LYN: variants seen among roughly 807,000 people sequenced by gnomAD.
LYN encodes the protein tyrosine-protein kinase Lyn.
LYN carries 12 observed loss-of-function variants against 65.0 expected under a neutral mutation model. The ratio of observed to expected loss-of-function variants is 0.18; its 90% confidence interval spans 0.12 to 0.30. LYN has a LOEUF of 0.30. Among genes scored for constraint, LYN ranks in the 10% least tolerant of loss-of-function variants. The pLI is 1.00. For missense variants in LYN, 380 were observed against 623.2 expected (o/e 0.61, Z 4.16); for synonymous variants, 222 against 221.2 (o/e 1.00, Z -0.03).
At chr8:55,977,124 G>T (rs540801078) in intron 10 of LYN, among the ~76,000 whole-genome samples, 33 of 152,216 alleles carry the variant, frequency 2.2e-4, no homozygotes, top group African/African-American at 7.5e-4. Context: ...GGCGGAGATT[G>T]CAGTGAGCCA....
At chr8:55,887,617 T>TG (rs1479816702) in intron 1 of LYN, among the ~76,000 whole-genome samples, 6 of 82,416 alleles carry the variant, frequency 7.3e-5, no homozygotes, top group African/African-American at 2.4e-4. Flanking sequence ...TATATATATT[T>TG]TTTTTTTCCT....
chr8:55,967,510 T>A (rs561612124), intron 9 of LYN, among the ~76,000 whole-genome samples: 1 of 152,106 alleles, frequency 6.6e-6, no homozygotes, highest in Admixed American at 6.5e-5. Flanking sequence ...GAGATGGGGT[T>A]TCGCCATGTT....
chr8:55,960,368 G>C (rs924057794), intron 8 of LYN, among the ~76,000 whole-genome samples: 34 of 152,054 alleles, frequency 2.2e-4, no homozygotes, highest in African/African-American at 7.5e-4. Context: ...AGGAAGGAAG[G>C]AAAAGAAGGG....
intron 10 of LYN, among the ~76,000 whole-genome samples, chr8:55,981,857 G>A (rs2130553340): frequency 6.6e-6 from 1 of 152,282 alleles, no homozygotes; most frequent in African/African-American, 2.4e-5. Flanking sequence ...GTGCAGCTTT[G>A]TTTTGCATTC....
At chr8:55,912,441 C>G (rs919985644) in intron 1 of LYN, among the ~76,000 whole-genome samples, 1 of 152,118 alleles carries the variant, frequency 6.6e-6, no homozygotes, top group Non-Finnish European at 1.5e-5. Flanking sequence ...ATAAGAAATT[C>G]TTGGCTGGGC....
intron 8 of LYN, among the ~76,000 whole-genome samples, chr8:55,959,231 CTAA>C (rs1807206798): frequency 6.6e-6 from 1 of 152,142 alleles, no homozygotes; most frequent in Admixed American, 6.5e-5. Context: ...TTGTGTTTTC[CTAA>C]TAATTAGTGA....
rs1806623524 is a variant in LYN, at chr8:55,941,930, T to C, written c.71T>C (p.Val24Ala). Residue 24 changes from valine (V) to alanine (A), a missense_variant, in exon 2 of 13, where the codon GTA becomes GCA. Physicochemically the swap from Val to Ala is moderately conservative, Grantham distance 64. Coordinates refer to ENST00000519728, the MANE Select transcript of LYN (RefSeq NM_002350.4). ...DDGVDLKTQP[V>A]RNTERTIYVR... Reference sequence around the variant, plus strand: ...GGAGTAGATTTGAAGACTCAACCAGTACGTAATACTGAAAGAACTATTTAT... The same window carrying C: ...GGAGTAGATTTGAAGACTCAACCAGCACGTAATACTGAAAGAACTATTTAT... 1 of 1,612,658 alleles carries C rather than the reference T, an allele frequency of 6.2e-7. No individual in the cohort carries two copies.
intron 12 of LYN, among the ~76,000 whole-genome samples, chr8:56,007,395 T>C (rs941903092): frequency 1.8e-4 from 28 of 152,262 alleles, no homozygotes; most frequent in African/African-American, 6.5e-4. Flanking sequence ...CAAATCTGTC[T>C]TTCGCTTTAA....
chr8:55,978,167 G>T (rs982677936), intron 10 of LYN, among the ~76,000 whole-genome samples: 1 of 152,196 alleles, frequency 6.6e-6, no homozygotes, highest in African/African-American at 2.4e-5. Context: ...AAACTGAGGT[G>T]GGTTGCCTGG....
chr8:55,925,267 C>T (rs1294632501), intron 1 of LYN, among the ~76,000 whole-genome samples: 1 of 151,946 alleles, frequency 6.6e-6, no homozygotes, highest in Non-Finnish European at 1.5e-5. Flanking sequence ...GGACCACAGG[C>T]GTACACCACC....
Position 55,942,458 on chromosome 8 carries a change from T to C in LYN, c.132+467T>C, listed in dbSNP as rs528408439. ...GTGTGTGTGTGTATATATATATATA[T>C]ACACACATACATACATAGGCTTGTG... On this transcript the variant is annotated intron_variant, in intron 2 of 12. Coordinates refer to ENST00000519728, the MANE Select transcript of LYN (RefSeq NM_002350.4). Among the ~76,000 whole-genome samples the C allele has an allele frequency of 1.5e-3, 216 of 147,330 alleles. 1 individual carries two copies. The highest frequency in any genetic ancestry group is 7.1e-3 in the Middle Eastern group (2 of 282).
intron 8 of LYN, among the ~76,000 whole-genome samples, chr8:55,957,905 G>T (rs145039039): frequency 2.6e-5 from 4 of 152,216 alleles, no homozygotes; most frequent in African/African-American, 9.6e-5. Context: ...CTGAGATTGC[G>T]CCGCTGTCAC....
intron 3 of LYN, 75 bp downstream of exon 3, chr8:55,946,568 T>A: frequency 1.0e-6 from 1 of 957,478 alleles, no homozygotes; most frequent in Non-Finnish European, 1.6e-6. Flanking sequence ...TTGTCCTAAA[T>A]GTTTTTATTT....
intron 1 of LYN, among the ~76,000 whole-genome samples, chr8:55,882,083 T>A (rs1382069483): frequency 6.6e-6 from 1 of 152,184 alleles, no homozygotes; most frequent in East Asian, 1.9e-4. Flanking sequence ...AGCACTGAGT[T>A]ACCCACATTT....
At chr8:55,975,473 T>C (rs1316957843) in intron 10 of LYN, among the ~76,000 whole-genome samples, 1 of 152,224 alleles carries the variant, frequency 6.6e-6, no homozygotes, top group Non-Finnish European at 1.5e-5. Flanking sequence ...TTAGACTATC[T>C]ATGTGAATCG....
chr8:55,909,064 T>C (rs919380366), intron 1 of LYN, among the ~76,000 whole-genome samples: 1 of 139,642 alleles, frequency 7.2e-6, no homozygotes, highest in Non-Finnish European at 1.5e-5. Flanking sequence ...CCACATTTTC[T>C]TTACTTTTAT....
At chr8:55,980,073 A>C (rs910193366) in intron 10 of LYN, among the ~76,000 whole-genome samples, 3 of 152,216 alleles carry the variant, frequency 2.0e-5, no homozygotes, top group Non-Finnish European at 4.4e-5. Context: ...GGAGGTGGCC[A>C]CACAGGGTCC....
chr8:55,995,550 T>C (rs145955615), intron 10 of LYN, among the ~76,000 whole-genome samples: 75 of 152,222 alleles, frequency 4.9e-4, no homozygotes, highest in African/African-American at 1.8e-3. Context: ...CTGCAGAAAT[T>C]GTGGACAGGT....
chr8:55,997,179 T>C (rs969825523), intron 10 of LYN, among the ~76,000 whole-genome samples: 8 of 139,630 alleles, frequency 5.7e-5, no homozygotes, highest in African/African-American at 2.1e-4. Flanking sequence ...AAAAAAAGAG[T>C]GAATCTTTGT....
Sources: gnomAD v4.1 joint callset for allele counts (sites outside exome capture counted in the v4.1 genomes callset) on GRCh38, gnomAD v4.1.1 for gene constraint, MANE v1.5 for transcripts, NCBI Gene and HGNC (gene_info 2026-07-23, HGNC 2026-07-21) for gene names.